ARHGAP44: variants seen among roughly 807,000 people sequenced by gnomAD.
ARHGAP44 encodes the protein Rho GTPase activating protein 44.
ARHGAP44 carries 43 observed loss-of-function variants against 106.8 expected under a neutral mutation model. The observed-to-expected ratio is 0.40, with a 90% CI of 0.32 to 0.52. ARHGAP44 has a LOEUF of 0.52. Among genes scored for constraint, ARHGAP44 ranks in the 20% least tolerant of loss-of-function variants. ARHGAP44 has a pLI of 0.48. For missense variants in ARHGAP44, 866 were observed against 1,050.5 expected (o/e 0.82, Z 2.43); for synonymous variants, 439 against 410.3 (o/e 1.07, Z -0.85).
intron 1 of ARHGAP44, among the ~76,000 whole-genome samples, chr17:12,838,828 T>C (rs2035313849): frequency 6.6e-6 from 1 of 151,988 alleles, no homozygotes; most frequent in Non-Finnish European, 1.5e-5. Context: ...CCCACCACCA[T>C]GCGTGGCTAA....
At chr17:12,900,988 A>G (rs917165325) in intron 3 of ARHGAP44, among the ~76,000 whole-genome samples, 4 of 146,326 alleles carry the variant, frequency 2.7e-5, no homozygotes, top group Admixed American at 7.1e-5. Flanking sequence ...CAATGGTACA[A>G]TCTCGGCTCA....
At chr17:12,790,757 A>G (rs566431259) in intron 1 of ARHGAP44, 12 of 152,260 alleles carry the variant, frequency 7.9e-5, no homozygotes, top group African/African-American at 2.9e-4. Flanking sequence ...TTACATAAAA[A>G]TCCTGGTGGG....
intron 1 of ARHGAP44, among the ~76,000 whole-genome samples, chr17:12,802,927 T>TTATATATATATA (rs1159214788): frequency 3.8e-4 from 11 of 29,230 alleles, no homozygotes; most frequent in Admixed American, 7.0e-4. Context: ...CCTGGCTAAT[T>TTATATATATATA]TATATATATA....
chr17:12,851,696 A>G (rs954904446), intron 1 of ARHGAP44, among the ~76,000 whole-genome samples: 2 of 151,986 alleles, frequency 1.3e-5, no homozygotes, highest in Non-Finnish European at 2.9e-5. Context: ...CGGCCTCCCA[A>G]AGTGCTGGGA....
chr17:12,937,088 G>A (rs1397347920), intron 7 of ARHGAP44, among the ~76,000 whole-genome samples: 2 of 152,192 alleles, frequency 1.3e-5, no homozygotes, highest in Non-Finnish European at 1.5e-5. Context: ...TTAGGGCTGT[G>A]AATTTCACCA....
chr17:12,889,265 G>A (rs2036971117), intron 1 of ARHGAP44, among the ~76,000 whole-genome samples: 1 of 151,828 alleles, frequency 6.6e-6, no homozygotes, highest in African/African-American at 2.4e-5. Context: ...GTTCCATTTT[G>A]TGCTCTAACA....
intron 20 of ARHGAP44, chr17:12,988,412 GC>G (rs1043973608): frequency 4.6e-5 from 7 of 152,152 alleles, no homozygotes; most frequent in Non-Finnish European, 1.0e-4. Context: ...AGTGAGGTGG[GC>G]CCCGGGCCAC....
At chr17:12,837,700 T>G (rs1468320257) in intron 1 of ARHGAP44, among the ~76,000 whole-genome samples, 1 of 151,948 alleles carries the variant, frequency 6.6e-6, no homozygotes, top group Admixed American at 6.6e-5. Flanking sequence ...AACAATGACT[T>G]TCTGGGAGAT....
At chr17:12,851,807 A>G (rs2035750807) in intron 1 of ARHGAP44, among the ~76,000 whole-genome samples, 1 of 152,100 alleles carries the variant, frequency 6.6e-6, no homozygotes, top group East Asian at 2.0e-4. Context: ...ACTTTCCAGA[A>G]ATCAAGTCAT....
At chr17:12,983,356 T>C (rs1034312691) in intron 19 of ARHGAP44, among the ~76,000 whole-genome samples, 2 of 152,050 alleles carry the variant, frequency 1.3e-5, no homozygotes, top group African/African-American at 4.8e-5. Context: ...CTCAAGATAT[T>C]TGCCCATCAA....
At chr17:12,985,651 C>G (rs769754111) in intron 20 of ARHGAP44, 1 of 152,198 alleles carries the variant, frequency 6.6e-6, no homozygotes, top group Non-Finnish European at 1.5e-5. Flanking sequence ...GAACATCTCC[C>G]CAGACACTTC....
intron 1 of ARHGAP44, among the ~76,000 whole-genome samples, chr17:12,806,048 G>A (rs1403014645): frequency 6.6e-6 from 1 of 152,190 alleles, no homozygotes; most frequent in East Asian, 1.9e-4. Flanking sequence ...ACCTAGCAGA[G>A]GGGGTATAAG....
At chr17:12,831,517 AG>A (rs2035088170) in intron 1 of ARHGAP44, among the ~76,000 whole-genome samples, 1 of 152,180 alleles carries the variant, frequency 6.6e-6, no homozygotes, top group Admixed American at 6.5e-5. Flanking sequence ...CCGTAGAGTC[AG>A]GGAAGTGAAA....
At position 12,943,581 on chromosome 17, in the gene ARHGAP44, T is replaced by TAC. The variant is rs1378195608; in HGVS notation, c.652-7_652-6insAC. The TAC allele has an allele frequency of 1.2e-6, 2 of 1,613,794 alleles. No homozygotes were observed. Among genetic ancestry groups the TAC allele is most frequent in the East Asian group, 4.5e-5 (2 of 44,872 alleles). The stretch of plus-strand genomic sequence containing the variant: ...CTAAGGGTGATGCTTGCCTTGTGTC[T>TAC]TCTCAGCTAATAGAAGTGCAAGCTG... On this transcript the variant is annotated splice_polypyrimidine_tract_variant and splice_region_variant and intron_variant, in intron 8 of 20. Transcript: ENST00000379672.
chr17:12,956,337 A>G (rs2072251), intron 14 of ARHGAP44, among the ~76,000 whole-genome samples: 93,455 of 151,948 alleles, frequency 0.62, 31,220 homozygotes, highest in African/African-American at 0.88. Context: ...GAGGGATAGA[A>G]GGCTGTCTCC....
intron 12 of ARHGAP44, among the ~76,000 whole-genome samples, chr17:12,951,944 A>T (rs1004387877): frequency 6.6e-6 from 1 of 152,182 alleles, no homozygotes; most frequent in Admixed American, 6.5e-5. Flanking sequence ...TCAGAGGCCA[A>T]CACTAACCTT....
At chr17:12,883,439 T>TTTCTTAAATATTTTCAGC (rs1417354169) in intron 1 of ARHGAP44, among the ~76,000 whole-genome samples, 10 of 152,004 alleles carry the variant, frequency 6.6e-5, no homozygotes, top group Admixed American at 3.3e-4. Context: ...TCTTAAATAT[T>TTTCTTAAATATTTTCAGC]TTCTTAAATA....
intron 1 of ARHGAP44, among the ~76,000 whole-genome samples, chr17:12,816,704 A>G (rs1393285812): frequency 6.6e-6 from 1 of 152,202 alleles, no homozygotes. Flanking sequence ...TTTACCAGAA[A>G]GACAAAATAA....
In ARHGAP44 at chr17:12,958,962, C is replaced by T. The variant is rs183502477; in HGVS notation, c.1523+65C>T. 9.6e-4 allele frequency: 1,470 copies of T among 1,530,520 alleles called. 5 individuals carry two copies. The highest frequency in any genetic ancestry group is 1.2e-3 in the Non-Finnish European group (1,328 of 1,128,288). The allele number at this position is 1,530,520 out of a possible 1,614,324, so 94.8% of individuals were successfully genotyped here. A position where few individuals can be genotyped will look rare whatever the true frequency, so the allele number is the denominator to read the frequency against. Reference sequence around the variant, plus strand: ...GGAGGTGGTGGGGGTGGATGGGTGACGCATAAGAAAAATACAATTACGGGA... The same window carrying T: ...GGAGGTGGTGGGGGTGGATGGGTGATGCATAAGAAAAATACAATTACGGGA... On this transcript the variant is annotated intron_variant, in intron 16 of 20. Transcript: ENST00000379672. This position sits in a 1 kb window ranked among gnomAD's most constrained non-coding sequence, Gnocchi z 4.1.
Sources: gnomAD v4.1 joint callset for allele counts (sites outside exome capture counted in the v4.1 genomes callset) on GRCh38, gnomAD v4.1.1 for gene constraint, Gnocchi (gnomAD v3.1) non-coding constraint, MANE v1.5 for transcripts, NCBI Gene and HGNC (gene_info 2026-07-23, HGNC 2026-07-21) for gene names.